Variants in ELAVL2 observed in about 807,000 individuals in gnomAD.
ELAVL2 encodes ELAV-like protein 2.
ELAVL2 carries 4 observed loss-of-function variants against 34.6 expected under a neutral mutation model. That is an observed-to-expected ratio of 0.12 (90% CI 0.06 to 0.26). ELAVL2 has a LOEUF of 0.26. ELAVL2 is among the 10% of genes least tolerant of loss of function. ELAVL2 has a pLI of 1.00. For synonymous variants in ELAVL2, 193 were observed against 154.8 expected (o/e 1.25, Z -1.83); for missense variants, 432 against 442.8 (o/e 0.98, Z 0.22).
intron 4 of ELAVL2, 96 bp from the exon 5 acceptor site, chr9:23,701,700 A>G (rs957796937): frequency 2.0e-5 from 26 of 1,274,932 alleles, no homozygotes; most frequent in Non-Finnish European, 2.7e-5. Flanking sequence ...TCTCAAGAAC[A>G]TGTTTTCACC....
intron 1 of ELAVL2, among the ~76,000 whole-genome samples, chr9:23,798,334 C>T (rs2061201984): frequency 6.6e-6 from 1 of 152,216 alleles, no homozygotes; most frequent in Non-Finnish European, 1.5e-5. Flanking sequence ...ACTGTGCACT[C>T]TGAAGCCAGA....
In ELAVL2 at chr9:23,692,704, A is replaced by G. The variant is rs1212100583; in HGVS notation, c.933T>C (p.Phe311=). Residue 311 remains phenylalanine, a synonymous_variant, in exon 7 of 7, where the codon TTT becomes TTC. Transcript: ENST00000397312. ...AVTNVKVIRD[F]NTNKCKGFGF... is the part of the protein sequence containing the mutation. The stretch of plus-strand genomic sequence containing the variant: ...CAAAACCTTTGCATTTATTGGTGTT[A>G]AAGTCACGGATGACCTTCACATTGG... The G allele has an allele frequency of 6.2e-7, 1 of 1,614,204 alleles. No homozygotes were observed. The highest frequency in any genetic ancestry group is 8.5e-7 in the Non-Finnish European group (1 of 1,180,014).
chr9:23,819,539 T>C (rs1421264725), intron 1 of ELAVL2, among the ~76,000 whole-genome samples: 2 of 152,016 alleles, frequency 1.3e-5, no homozygotes, highest in Non-Finnish European at 2.9e-5. Context: ...GAGCACTGAA[T>C]ATAGCTGACT....
At chr9:23,708,060 C>T (rs1229072889) in intron 3 of ELAVL2, among the ~76,000 whole-genome samples, 5 of 150,290 alleles carry the variant, frequency 3.3e-5, no homozygotes, top group African/African-American at 1.2e-4. Flanking sequence ...TTTTTTTCCC[C>T]AATGTCCACT....
the ELAVL2 span, among the ~76,000 whole-genome samples, chr9:23,845,389 T>A: frequency 6.6e-6 from 1 of 151,852 alleles, no homozygotes; most frequent in Non-Finnish European, 1.5e-5. Flanking sequence ...CAGAAAATTA[T>A]ATAAACATTT....
intron 3 of ELAVL2, among the ~76,000 whole-genome samples, chr9:23,706,512 A>G (rs763172055): frequency 6.6e-6 from 1 of 152,070 alleles, no homozygotes; most frequent in Non-Finnish European, 1.5e-5. Flanking sequence ...CCTATAACCT[A>G]TCTTTGCCAA....
chr9:23,691,991 G>T lies in ELAVL2; in HGVS notation c.*566C>A, dbSNP rs994830197. On this transcript the variant is annotated 3_prime_UTR_variant, in exon 7 of 7. Transcript: ENST00000397312. ...GTTCTCCAGTATTCTTACAATAAGC[G>T]TTTATAATGTAGCCCCCCCTTCCCC... 1 of 152,640 alleles carries T rather than the reference G, an allele frequency of 6.6e-6. No individual in the cohort carries two copies. The highest frequency in any genetic ancestry group is 1.5e-5 in the Non-Finnish European group (1 of 68,200). The allele number at this position is 152,640 out of a possible 1,614,324, so 9.5% of individuals were successfully genotyped here. A position where few individuals can be genotyped will look rare whatever the true frequency, so the allele number is the denominator to read the frequency against.
intron 1 of ELAVL2, among the ~76,000 whole-genome samples, chr9:23,777,466 T>C (rs571052842): frequency 1.6e-4 from 24 of 152,278 alleles, no homozygotes; most frequent in African/African-American, 5.1e-4. Context: ...AACGTGCCCT[T>C]TCTATACCCT....
intron 3 of ELAVL2, among the ~76,000 whole-genome samples, chr9:23,723,742 T>C (rs563887912): frequency 2.6e-5 from 4 of 152,146 alleles, no homozygotes; most frequent in South Asian, 2.1e-4. Flanking sequence ...TCAGCCTCCT[T>C]ATTATTCGGA....
intron 3 of ELAVL2, among the ~76,000 whole-genome samples, chr9:23,706,470 C>A (rs562493645): frequency 2.6e-5 from 4 of 152,208 alleles, no homozygotes; most frequent in Non-Finnish European, 5.9e-5. Flanking sequence ...TCATCCAGAT[C>A]TCCTGCCCCA....
At position 23,691,520 on chromosome 9, in the gene ELAVL2, T is replaced by C. The variant is rs770004547; in HGVS notation, c.*1037A>G. The C allele has an allele frequency of 2.6e-5, 4 of 152,534 alleles. No homozygotes were observed. The highest frequency in any genetic ancestry group is 4.4e-5 in the Non-Finnish European group (3 of 67,994). The allele number at this position is 152,534 out of a possible 1,614,324, so 9.4% of individuals were successfully genotyped here. A position where few individuals can be genotyped will look rare whatever the true frequency, so the allele number is the denominator to read the frequency against. On this transcript the variant is annotated 3_prime_UTR_variant, in exon 7 of 7. Coordinates refer to ENST00000397312, the MANE Select transcript of ELAVL2 (RefSeq NM_004432.5). Reference sequence around the variant, plus strand: ...GATTTCTTTAGGAAGAACAGATTTTTTCCCCCATCTCTCGGTAATTTAAAT... The same window carrying C: ...GATTTCTTTAGGAAGAACAGATTTTCTCCCCCATCTCTCGGTAATTTAAAT...
At chr9:23,793,994 C>T (rs1036458402) in intron 1 of ELAVL2, among the ~76,000 whole-genome samples, 33 of 152,214 alleles carry the variant, frequency 2.2e-4, no homozygotes, top group African/African-American at 7.2e-4. Flanking sequence ...CCATCAATGA[C>T]TCCACCTGTA....
chr9:23,779,609 G>A lies in ELAVL2; in HGVS notation c.-15-17360C>T, dbSNP rs558212933. ...ATTTGACAATATCAGAGCAATTACA[G>A]TTTGGTTAAAATCTGAAGGTAATCA... On this transcript the variant is annotated intron_variant, in intron 1 of 6. Transcript: ENST00000397312. Among the ~76,000 whole-genome samples, 8 of 152,066 alleles carry A rather than the reference G, an allele frequency of 5.3e-5. 1 individual carries two copies. The South Asian group carries it at 1.5e-3, about 28-fold the overall frequency.
chr9:23,730,726 A>T (rs1443385187), intron 3 of ELAVL2, among the ~76,000 whole-genome samples: 3 of 152,100 alleles, frequency 2.0e-5, no homozygotes, highest in Non-Finnish European at 4.4e-5. Context: ...AGGTTTCCTC[A>T]AGTTATAGGG....
Position 23,731,058 on chromosome 9 carries a change from G to C in ELAVL2, c.297C>G (p.Thr99=), listed in dbSNP as rs772248374. 1.9e-6 allele frequency: 3 copies of C among 1,613,020 alleles called. No homozygotes were observed. The South Asian group carries it at 3.3e-5, about 18-fold the overall frequency. ...TGGTTTGAAGTCTCAATCCATTCAG[G>C]GTGTTGATAGCTTTCTCTGCATCCT... is the stretch of plus-strand genomic sequence containing the variant. ...DPKDAEKAIN[T]LNGLRLQTKT... The change falls in exon 3 of 7, where the codon ACC becomes ACG. Residue 99 remains threonine (T), a synonymous_variant. Transcript: ENST00000397312.
chr9:23,741,288 C>CA (rs2049108116), intron 2 of ELAVL2, among the ~76,000 whole-genome samples: 1 of 152,140 alleles, frequency 6.6e-6, no homozygotes, highest in African/African-American at 2.4e-5. Flanking sequence ...ACCGACCCCC[C>CA]ATCCTGGAAG....
intron 1 of ELAVL2, 63 bp from the exon 2 acceptor site, chr9:23,762,312 C>G: frequency 1.3e-6 from 2 of 1,559,338 alleles, no homozygotes; most frequent in Middle Eastern, 1.7e-4. Flanking sequence ...GAGACTCCAT[C>G]CAAGAATTTA....
the ELAVL2 span, chr9:23,832,325 A>G: frequency 3.9e-5 from 6 of 152,182 alleles, no homozygotes; most frequent in African/African-American, 1.4e-4. Flanking sequence ...GGTAATTACT[A>G]TAGGATAATA....
At chr9:23,818,438 A>G (rs1185322300) in intron 1 of ELAVL2, among the ~76,000 whole-genome samples, 2 of 152,202 alleles carry the variant, frequency 1.3e-5, no homozygotes, top group East Asian at 3.9e-4. Context: ...CTGGAAAAGC[A>G]GTCCTGCCCA....
Sources: gnomAD v4.1 joint callset for allele counts (sites outside exome capture counted in the v4.1 genomes callset) on GRCh38, gnomAD v4.1.1 for gene constraint, MANE v1.5 for transcripts, NCBI Gene and HGNC (gene_info 2026-07-23, HGNC 2026-07-21) for gene names.